Variants in VTA1 observed in about 807,000 individuals in gnomAD.
The protein encoded by VTA1 is vacuolar protein sorting-associated protein VTA1 homolog.
In VTA1, 24 loss-of-function variants were observed where a neutral mutation model predicts 36.9. The observed-to-expected ratio is 0.65, with a 90% CI of 0.47 to 0.91. VTA1 has a LOEUF of 0.91. VTA1 is among the 40% of genes least tolerant of loss of function. The pLI is 0.00. For synonymous variants in VTA1, 142 were observed against 130.2 expected, an observed-to-expected ratio of 1.09 and a Z score of -0.62; for missense variants, 393 against 377.2, an observed-to-expected ratio of 1.04 and a Z score of -0.35.
chr6:142,208,237 T>C (rs554114189), intron 7 of VTA1, among the ~76,000 whole-genome samples: 12 of 152,092 alleles, frequency 7.9e-5, no homozygotes, highest in African/African-American at 2.9e-4. Context: ...TTGACAGATA[T>C]TGGAATAATT....
intron 5 of VTA1, among the ~76,000 whole-genome samples, chr6:142,193,936 G>A (rs1004930739): frequency 6.6e-6 from 1 of 151,988 alleles, no homozygotes; most frequent in Non-Finnish European, 1.5e-5. Context: ...CCATTATATT[G>A]ATGACATTAT....
At chr6:142,206,297 A>T (rs1775789335) in intron 7 of VTA1, among the ~76,000 whole-genome samples, 1 of 152,352 alleles carries the variant, frequency 6.6e-6, no homozygotes, top group East Asian at 1.9e-4. Flanking sequence ...ATTTAAATAC[A>T]CTTGCCATTG....
In VTA1 at chr6:142,219,597, C is replaced by A. The variant is rs941807703; in HGVS notation, c.*954C>A. The A allele has an allele frequency of 6.6e-6, 1 of 152,162 alleles. No individual in the cohort carries two copies. The highest frequency in any genetic ancestry group is 1.5e-5 in the Non-Finnish European group (1 of 68,016). 9.4% of individuals were successfully genotyped at this position (152,162 alleles called of 1,614,324 possible). ...AATACAAGGATTCGTTTAGCTAATT[C>A]AACTTACTACAAAGACAAATGTCTG... is the stretch of plus-strand genomic sequence containing the variant. On this transcript the variant is annotated 3_prime_UTR_variant, in exon 8 of 8. Transcript: ENST00000367630.
intron 4 of VTA1, among the ~76,000 whole-genome samples, chr6:142,179,081 T>C (rs1413758946): frequency 2.0e-5 from 3 of 151,834 alleles, no homozygotes; most frequent in Non-Finnish European, 4.4e-5. Context: ...ACTTTCAAAC[T>C]ATATGAAACA....
chr6:142,214,242 A>G (rs1305843689), intron 7 of VTA1, among the ~76,000 whole-genome samples: 1 of 152,246 alleles, frequency 6.6e-6, no homozygotes, highest in Non-Finnish European at 1.5e-5. Flanking sequence ...AAATGCCTCC[A>G]GCCTCTTTGC....
chr6:142,208,304 CTT>C (rs980867908), intron 7 of VTA1, among the ~76,000 whole-genome samples: 2 of 152,042 alleles, frequency 1.3e-5, no homozygotes, highest in Non-Finnish European at 1.5e-5. Flanking sequence ...CTGGAGAACT[CTT>C]TTGAGGCTCT....
chr6:142,179,429 G>C (rs1775183764), intron 4 of VTA1, among the ~76,000 whole-genome samples: 1 of 152,042 alleles, frequency 6.6e-6, no homozygotes, highest in Non-Finnish European at 1.5e-5. Context: ...GAGTGCTTAT[G>C]GGAAGTTTAT....
At chr6:142,181,094 A>AATATATATATAT (rs1169535055) in intron 4 of VTA1, among the ~76,000 whole-genome samples, 8 of 36,440 alleles carry the variant, frequency 2.2e-4, no homozygotes, top group African/African-American at 3.0e-4. Flanking sequence ...AAAAAAAAAA[A>AATATATATATAT]ATATATATAT....
intron 1 of VTA1, among the ~76,000 whole-genome samples, chr6:142,149,679 A>G (rs1778528040): frequency 6.6e-6 from 1 of 152,132 alleles, no homozygotes; most frequent in Non-Finnish European, 1.5e-5. Context: ...AAGACCTTTG[A>G]TGTTCAGAAG....
chr6:142,153,112 C>T (rs1778598406), intron 1 of VTA1, among the ~76,000 whole-genome samples: 2 of 151,956 alleles, frequency 1.3e-5, no homozygotes, highest in Admixed American at 1.3e-4. Context: ...CAGGGATTAT[C>T]TTTTTCTTTT....
At position 142,151,152 on chromosome 6, in the gene VTA1, A is replaced by G. The variant is rs555275578; in HGVS notation, c.112+3753A>G. ...TGTTAGGTCATCTTGGATTTTATCA[A>G]GAGGTTGAGGAGGAACAGTTTGGGG... On this transcript the variant is annotated intron_variant, in intron 1 of 7. Transcript: ENST00000367630. Among the ~76,000 whole-genome samples, 3 of 152,260 alleles carry G rather than the reference A, an allele frequency of 2.0e-5. No homozygotes were observed. The South Asian group carries it at 6.2e-4, about 32-fold the overall frequency.
At chr6:142,217,570 G>A (rs971687890) in intron 7 of VTA1, among the ~76,000 whole-genome samples, 10 of 151,042 alleles carry the variant, frequency 6.6e-5, no homozygotes, top group Non-Finnish European at 1.0e-4. Flanking sequence ...ATACACACAC[G>A]CAGCATAAAA....
chr6:142,189,320 T>C, intron 4 of VTA1, 106 bp from the exon 5 acceptor site: 1 of 893,690 alleles, frequency 1.1e-6, no homozygotes. Context: ...AGCTGTAATC[T>C]GCAAAAATAG....
At chr6:142,160,464 G>T (rs535502389) in intron 1 of VTA1, among the ~76,000 whole-genome samples, 13 of 152,202 alleles carry the variant, frequency 8.5e-5, no homozygotes, top group Admixed American at 5.9e-4. Context: ...AGATTTCTGG[G>T]TTTTTTCCTG....
intron 7 of VTA1, among the ~76,000 whole-genome samples, chr6:142,213,946 C>T (rs994197483): frequency 2.0e-5 from 3 of 152,190 alleles, no homozygotes; most frequent in Non-Finnish European, 4.4e-5. Flanking sequence ...TTCAACTCCT[C>T]TTTACTTATG....
intron 5 of VTA1, among the ~76,000 whole-genome samples, chr6:142,197,175 T>G (rs1014684771): frequency 6.6e-6 from 1 of 152,210 alleles, no homozygotes; most frequent in Non-Finnish European, 1.5e-5. Flanking sequence ...CCAGAATGTA[T>G]AAATGTTAGA....
chr6:142,153,894 T>A (rs894785627), intron 1 of VTA1, among the ~76,000 whole-genome samples: 3 of 152,118 alleles, frequency 2.0e-5, no homozygotes, highest in Admixed American at 1.3e-4. Context: ...AGAGAGATTC[T>A]GTGTACCCTT....
At chr6:142,164,080 C>T (rs1163225809) in intron 1 of VTA1, among the ~76,000 whole-genome samples, 2 of 152,134 alleles carry the variant, frequency 1.3e-5, no homozygotes, top group African/African-American at 2.4e-5. Context: ...TATGAGCCAC[C>T]TGGCATGGAG....
intron 5 of VTA1, among the ~76,000 whole-genome samples, chr6:142,197,069 A>C (rs1775565622): frequency 6.6e-6 from 1 of 152,118 alleles, no homozygotes; most frequent in African/African-American, 2.4e-5. Flanking sequence ...ATAAAATCAA[A>C]TGTTACCTGG....
Sources: gnomAD v4.1 joint callset for allele counts (sites outside exome capture counted in the v4.1 genomes callset) on GRCh38, gnomAD v4.1.1 for gene constraint, MANE v1.5 for transcripts, NCBI Gene and HGNC (gene_info 2026-07-23, HGNC 2026-07-21) for gene names.